USP24: variants seen among roughly 807,000 people sequenced by gnomAD.
USP24 encodes the protein ubiquitin specific peptidase 24, also known as ubiquitin carboxyl-terminal hydrolase 24.
A neutral mutation model predicts 361.6 loss-of-function variants in USP24; 97 were observed. That is an observed-to-expected ratio of 0.27 (90% CI 0.23 to 0.32). The LOEUF (loss-of-function observed/expected upper bound fraction) is 0.32. Among genes scored for constraint, USP24 ranks in the 10% least tolerant of loss-of-function variants. The pLI, the probability that USP24 is intolerant of heterozygous loss-of-function variation, is 1.00. For synonymous variants in USP24, 1,098 were observed against 1,124.6 expected, an observed-to-expected ratio of 0.98 and a Z score of 0.47; for missense variants, 2,353 against 3,165.6, an observed-to-expected ratio of 0.74 and a Z score of 6.16.
chr1:55,168,304 C>T (rs965664699), intron 5 of USP24, among the ~76,000 whole-genome samples: 1 of 152,000 alleles, frequency 6.6e-6, no homozygotes, highest in Non-Finnish European at 1.5e-5. Context: ...AATGGAATGC[C>T]CTGAAAAGTT....
chr1:55,102,389 G>C (rs1003996738), intron 42 of USP24, among the ~76,000 whole-genome samples: 1 of 152,140 alleles, frequency 6.6e-6, no homozygotes, highest in African/African-American at 2.4e-5. Flanking sequence ...AAAAAGCATA[G>C]TGGATAAAGT....
chr1:55,178,506 A>G (rs1445455782), intron 1 of USP24, among the ~76,000 whole-genome samples: 1 of 151,904 alleles, frequency 6.6e-6, no homozygotes, highest in Non-Finnish European at 1.5e-5. Flanking sequence ...GTCTCTATTA[A>G]AAATACAAAA....
Position 55,171,762 on chromosome 1 carries a change from GC to G in USP24, c.703-85del, listed in dbSNP as rs1303059977. On this transcript the variant is annotated intron_variant, in intron 4 of 67. Coordinates refer to ENST00000294383, the MANE Select transcript of USP24 (RefSeq NM_015306.3). ...CATTAGAAAAGAAGATAAAAATATA[GC>G]CTTTGACTCCCCTCATTAATGGGAT... 21 of 1,410,052 alleles carry G rather than the reference GC, an allele frequency of 1.5e-5. No homozygotes were observed. The African/African-American group carries it at 2.0e-4, about 14-fold the overall frequency. 87.3% of individuals were successfully genotyped at this position (1,410,052 alleles called of 1,614,324 possible).
At chr1:55,082,387 T>C (rs1436664300) in intron 58 of USP24, among the ~76,000 whole-genome samples, 1 of 152,242 alleles carries the variant, frequency 6.6e-6, no homozygotes, top group African/African-American at 2.4e-5. Flanking sequence ...AAGTACTCCA[T>C]AAATAGTACT....
chr1:55,078,055 C>G (rs887829898), intron 61 of USP24, among the ~76,000 whole-genome samples: 2 of 152,224 alleles, frequency 1.3e-5, no homozygotes, highest in Admixed American at 1.3e-4. Flanking sequence ...ATCCACTAAT[C>G]ACCTGCTTCT....
intron 1 of USP24, among the ~76,000 whole-genome samples, chr1:55,189,655 C>A (rs983664910): frequency 1.3e-5 from 2 of 152,150 alleles, no homozygotes; most frequent in Admixed American, 6.5e-5. Flanking sequence ...TTGCACAATT[C>A]TGAATGCACA....
At chr1:55,071,109 G>A (rs750684084) in intron 67 of USP24, 381 of 981,564 alleles carry the variant, frequency 3.9e-4, no homozygotes, top group Non-Finnish European at 4.5e-4. Flanking sequence ...ATGAGGATCC[G>A]AAAGATAACA....
chr1:55,190,984 T>A (rs927774690), intron 1 of USP24, among the ~76,000 whole-genome samples: 1 of 152,222 alleles, frequency 6.6e-6, no homozygotes, highest in African/African-American at 2.4e-5. Flanking sequence ...TGATACTCCA[T>A]CAACTTCATT....
chr1:55,185,395 C>G (rs1320052245), intron 1 of USP24, among the ~76,000 whole-genome samples: 2 of 150,796 alleles, frequency 1.3e-5, no homozygotes, highest in Admixed American at 1.3e-4. Flanking sequence ...CAGAAAAGAT[C>G]AGAGTAGAAA....
chr1:55,212,122 C>T (rs1246239083), intron 1 of USP24, among the ~76,000 whole-genome samples: 1 of 152,198 alleles, frequency 6.6e-6, no homozygotes, highest in Non-Finnish European at 1.5e-5. Flanking sequence ...GCCACTTCCC[C>T]TTTGGGGCCC....
In USP24 at chr1:55,097,626, C is replaced by T. The variant is rs749995845; in HGVS notation, c.5687G>A (p.Arg1896His). 2.0e-5 allele frequency: 31 copies of T among 1,576,692 alleles called. No homozygotes were observed. In the East Asian group the frequency reaches 6.2e-4, roughly 31 times the overall value. The change falls in exon 48 of 68, where the codon CGC becomes CAC. Residue 1896 changes from arginine to histidine, a missense_variant. By Grantham distance (29) the Arg-to-His change is conservative. Coordinates refer to ENST00000294383, the MANE Select transcript of USP24 (RefSeq NM_015306.3). ...TATTTGTTCATCATATTTAATGGAG[C>T]GTCCGCTTTCCCAGTCAAACCCAAA... ...MRFGFDWESG[R>H]SIKYDEQIRF...
At chr1:55,100,095 G>C (rs1362048877) in intron 44 of USP24, among the ~76,000 whole-genome samples, 1 of 152,174 alleles carries the variant, frequency 6.6e-6, no homozygotes, top group East Asian at 1.9e-4. Flanking sequence ...TACTGGGTAA[G>C]ATCTAGGCCA....
rs181778077 is a variant in USP24 at position 55,067,815 on chromosome 1, T to C, written c.*1230A>G. On this transcript the variant is annotated 3_prime_UTR_variant, in exon 68 of 68. Transcript: ENST00000294383. The stretch of plus-strand genomic sequence containing the variant: ...AAATGTACAAAATATATATGAAATA[T>C]GTGGGTGTAAACCTCTCCCCCACAC... The C allele has an allele frequency of 2.0e-5, 3 of 152,334 alleles. No homozygotes were observed. The highest frequency in any genetic ancestry group is 3.9e-4 in the East Asian group (2 of 5,186). The allele number at this position is 152,334 out of a possible 1,614,324, so 9.4% of individuals were successfully genotyped here.
At chr1:55,160,140 C>T (rs1285660441) in intron 8 of USP24, among the ~76,000 whole-genome samples, 2 of 152,102 alleles carry the variant, frequency 1.3e-5, no homozygotes, top group African/African-American at 4.8e-5. Context: ...AGAATGGTAA[C>T]ACAACCAGAA....
rs115524654 is a variant in USP24 at position 55,183,483 on chromosome 1, C to T, written c.325-5351G>A. Among the ~76,000 whole-genome samples, 57 of 151,968 alleles carry T rather than the reference C, an allele frequency of 3.8e-4. 1 individual carries two copies. Among genetic ancestry groups the T allele is most frequent in the African/African-American group, 1.3e-3 (55 of 41,428 alleles). On this transcript the variant is annotated intron_variant, in intron 1 of 67. Transcript: ENST00000294383. ...AAATGTAAGATATTAATTGTAATCC[C>T]CAGGACAACCATGAAGAAAATAAAA...
chr1:55,202,204 C>G (rs1338429259), intron 1 of USP24, among the ~76,000 whole-genome samples: 1 of 152,134 alleles, frequency 6.6e-6, no homozygotes, highest in African/African-American at 2.4e-5. Context: ...TATATTTACA[C>G]CATTCCAAGG....
At chr1:55,180,391 G>A (rs988535913) in intron 1 of USP24, among the ~76,000 whole-genome samples, 2 of 152,132 alleles carry the variant, frequency 1.3e-5, no homozygotes, top group African/African-American at 4.8e-5. Context: ...CAGAGGGCCC[G>A]TATGGTTGTT....
At chr1:55,096,913 G>A (rs757718501) in intron 49 of USP24, 39 bp downstream of exon 49, 3 of 1,591,054 alleles carry the variant, frequency 1.9e-6, no homozygotes, top group Admixed American at 1.7e-5. Context: ...AGCAGGGGAG[G>A]GCAGAAAGTG....
intron 38 of USP24, among the ~76,000 whole-genome samples, chr1:55,110,754 T>C (rs544841993): frequency 9.2e-4 from 140 of 152,280 alleles, no homozygotes; most frequent in African/African-American, 3.2e-3. Context: ...TTTCTGCAAT[T>C]ATAGTAGTGA....
Sources: allele counts gnomAD v4.1 joint callset (sites outside exome capture counted in the v4.1 genomes callset), GRCh38; gene constraint gnomAD v4.1.1; transcripts MANE v1.5; gene names NCBI Gene and HGNC (gene_info 2026-07-23, HGNC 2026-07-21).